MED15: variants seen among roughly 807,000 people sequenced by gnomAD.
MED15 encodes mediator of RNA polymerase II transcription subunit 15.
A neutral mutation model predicts 118.7 loss-of-function variants in MED15; 41 were observed. The ratio of observed to expected loss-of-function variants is 0.35; its 90% CI spans 0.27 to 0.45. MED15 has a LOEUF of 0.45. Among genes scored for constraint, MED15 ranks in the 20% least tolerant of loss-of-function variants. The pLI, the probability that MED15 is intolerant of heterozygous loss-of-function variation, is 1.00. For missense variants in MED15, 740 were observed against 1,025.5 expected, an observed-to-expected ratio of 0.72 and a Z score of 3.80; for synonymous variants, 436 against 413.9, an observed-to-expected ratio of 1.05 and a Z score of -0.65.
intron 2 of MED15, 54 bp downstream of exon 2, chr22:20,537,258 A>G (rs4821915): frequency 0.81 from 1,221,928 of 1,512,992 alleles, 495,152 homozygotes; most frequent in African/African-American, 0.95. Flanking sequence ...AGAGGAGAGC[A>G]TCACAGACTC....
In MED15 at chr22:20,534,984, G is replaced by A. The variant is rs5757702; in HGVS notation, c.69-2133G>A. ...AGGTAGGAACTCCAAGAGTGCAGGA[G>A]TCTCATTCTGTCGCCCAGGCTGGAG... On this transcript the variant is annotated intron_variant, in intron 1 of 17. Coordinates refer to ENST00000263205, the MANE Select transcript of MED15 (RefSeq NM_001003891.3). 4.3e-3 allele frequency among the ~76,000 whole-genome samples: 647 copies of A among 152,050 alleles called. 7 individuals are homozygous for A. The highest frequency in any genetic ancestry group is 0.015 in the African/African-American group (619 of 41,446).
At chr22:20,530,886 T>C (rs1282542765) in intron 1 of MED15, among the ~76,000 whole-genome samples, 1 of 152,176 alleles carries the variant, frequency 6.6e-6, no homozygotes, top group African/African-American at 2.4e-5. Flanking sequence ...GGGGCAACAA[T>C]AACCTCAACA....
In MED15 at chr22:20,586,751, A is replaced by G; in HGVS notation, c.*47A>G. 13 of 1,603,646 alleles carry G rather than the reference A, an allele frequency of 8.1e-6. No homozygotes were observed. Among genetic ancestry groups the G allele is most frequent in the Non-Finnish European group, 1.0e-5 (12 of 1,176,566 alleles). ...GCAGCCTCATCGGGGCCAAGGACAC[A>G]CGCCTCCTGTCAGACACTTCTAGGT... On this transcript the variant is annotated 3_prime_UTR_variant, in exon 18 of 18. Coordinates refer to ENST00000263205, the MANE Select transcript of MED15 (RefSeq NM_001003891.3).
intron 8 of MED15, among the ~76,000 whole-genome samples, chr22:20,569,157 TCA>T (rs1429586417): frequency 6.6e-6 from 1 of 152,114 alleles, no homozygotes; most frequent in Non-Finnish European, 1.5e-5. Context: ...TGCTGGTGTG[TCA>T]CATGTGTGGA....
rs932989824 is a variant in MED15, at chr22:20,564,722, C to A, written c.690+34C>A. On this transcript the variant is annotated intron_variant, in intron 6 of 17. Coordinates refer to ENST00000263205, the MANE Select transcript of MED15 (RefSeq NM_001003891.3). Reference sequence around the variant, plus strand: ...TCCCCTGTTCCTGCTCTTGGCCTCCCTCCTGCAGCGTGAGCCCTGGGCTGG... The same window carrying A: ...TCCCCTGTTCCTGCTCTTGGCCTCCATCCTGCAGCGTGAGCCCTGGGCTGG... The A allele has an allele frequency of 1.9e-6, 3 of 1,612,952 alleles. No individual in the cohort carries two copies. In the South Asian group the frequency reaches 3.3e-5, roughly 18 times the overall value.
chr22:20,554,908 G>T, intron 4 of MED15, 28 bp from the exon 5 acceptor site: 1 of 1,572,778 alleles, frequency 6.4e-7, no homozygotes. Context: ...GCCCTTTCCT[G>T]AGAAGCTCTG....
chr22:20,508,009 A>G (rs373959522), intron 1 of MED15: 4 of 1,416,524 alleles, frequency 2.8e-6, no homozygotes, highest in East Asian at 2.6e-5. Flanking sequence ...CTCATTCGTC[A>G]TTTGTGTGCT....
chr22:20,511,147 T>A (rs1451396887), intron 1 of MED15, among the ~76,000 whole-genome samples: 1 of 152,196 alleles, frequency 6.6e-6, no homozygotes, highest in Non-Finnish European at 1.5e-5. Flanking sequence ...GTTTTTACAC[T>A]GTTGTTTAAA....
chr22:20,551,016 C>T, intron 2 of MED15: 1 of 392,202 alleles, frequency 2.5e-6, no homozygotes, highest in Non-Finnish European at 5.2e-6. Context: ...AAATGAAAGC[C>T]CTTCTTTACA....
chr22:20,548,568 G>A (rs1278195443), intron 2 of MED15, among the ~76,000 whole-genome samples: 2 of 152,218 alleles, frequency 1.3e-5, no homozygotes, highest in African/African-American at 2.4e-5. Context: ...CCCAGTTCCT[G>A]ATACTTGCTG....
intron 9 of MED15, among the ~76,000 whole-genome samples, chr22:20,577,203 T>G (rs114152992): frequency 0.025 from 3,759 of 152,184 alleles, 163 homozygotes; most frequent in African/African-American, 0.085. Context: ...TTCTGGAAAC[T>G]CCTCACTCCC....
intron 8 of MED15, among the ~76,000 whole-genome samples, chr22:20,570,111 G>C (rs2056590692): frequency 6.6e-6 from 1 of 152,200 alleles, no homozygotes; most frequent in Admixed American, 6.5e-5. Flanking sequence ...TGCAACCTCT[G>C]CCTCCTGGGT....
Position 20,585,278 on chromosome 22 carries a change from A to G in MED15, c.2131+11A>G. On this transcript the variant is annotated intron_variant, in intron 16 of 17. Transcript: ENST00000263205. ...TGATCTGCAAGCTGGGTGAGTGTCC[A>G]GAGGGCCGGGACTGGTGTGGGAAAG... The G allele has an allele frequency of 1.9e-6, 3 of 1,611,858 alleles. No individual in the cohort carries two copies. The highest frequency in any genetic ancestry group is 2.5e-6 in the Non-Finnish European group (3 of 1,178,810).
chr22:20,527,460 T>C (rs2054687347), intron 1 of MED15, among the ~76,000 whole-genome samples: 1 of 151,862 alleles, frequency 6.6e-6, no homozygotes, highest in South Asian at 2.1e-4. Flanking sequence ...ACCGTTTTTT[T>C]TGATAAATTT....
At chr22:20,508,876 T>G (rs1451877437) in intron 1 of MED15, among the ~76,000 whole-genome samples, 1 of 152,156 alleles carries the variant, frequency 6.6e-6, no homozygotes, top group Non-Finnish European at 1.5e-5. Context: ...TCGCCACAGA[T>G]TTGCCTGAGA....
chr22:20,575,829 C>T (rs776459689), intron 9 of MED15, among the ~76,000 whole-genome samples: 54 of 151,956 alleles, frequency 3.6e-4, no homozygotes, highest in Non-Finnish European at 5.1e-4. Flanking sequence ...GTTCTTCAGT[C>T]GCACCAAATA....
At chr22:20,553,061 C>A in intron 3 of MED15, 84 bp from the exon 4 acceptor site, 1 of 1,320,482 alleles carries the variant, frequency 7.6e-7, no homozygotes, top group Non-Finnish European at 1.1e-6. Flanking sequence ...TGGGCAAATG[C>A]CTACAGAACT....
intron 1 of MED15, among the ~76,000 whole-genome samples, chr22:20,536,037 C>G (rs2055068784): frequency 6.6e-6 from 1 of 151,932 alleles, no homozygotes; most frequent in Admixed American, 6.6e-5. Context: ...CAACCACACC[C>G]TGCTAATTTT....
At chr22:20,530,113 T>C (rs902551736) in intron 1 of MED15, among the ~76,000 whole-genome samples, 1 of 152,208 alleles carries the variant, frequency 6.6e-6, no homozygotes, top group Non-Finnish European at 1.5e-5. Context: ...CCTGATATTG[T>C]ATAACTCTCC....
Sources: gnomAD v4.1 joint callset for allele counts (sites outside exome capture counted in the v4.1 genomes callset) on GRCh38, gnomAD v4.1.1 for gene constraint, MANE v1.5 for transcripts, NCBI Gene and HGNC (gene_info 2026-07-23, HGNC 2026-07-21) for gene names.